The following HS6ST2 variants were observed in gnomAD, a reference collection of about 807,000 sequenced individuals.
The protein encoded by HS6ST2 is heparan-sulfate 6-O-sulfotransferase 2.
HS6ST2 carries 17 observed loss-of-function variants against 33.0 expected under a neutral mutation model. The observed-to-expected ratio is 0.52, with a 90% CI of 0.35 to 0.77. The LOEUF is 0.77. Among genes scored for constraint, HS6ST2 ranks in the 30% least tolerant of loss-of-function variants. HS6ST2 has a pLI of 0.01. For missense variants in HS6ST2, 519 were observed against 551.7 expected (o/e 0.94, Z 0.59); for synonymous variants, 248 against 237.1 (o/e 1.05, Z -0.42).
chrX:132,939,365 C>T (rs2066862163), intron 2 of HS6ST2, among the ~76,000 whole-genome samples: 1 of 110,857 alleles, frequency 9.0e-6, no homozygotes, highest in African/African-American at 3.3e-5. Flanking sequence ...TGGCTCATGC[C>T]TGTAATCCCA....
intron 2 of HS6ST2, among the ~76,000 whole-genome samples, chrX:132,884,829 A>T (rs1195267619): frequency 2.7e-5 from 3 of 111,367 alleles, no homozygotes; most frequent in Non-Finnish European, 3.8e-5. Context: ...TGGGAGCAAG[A>T]AGAGAGATAC....
In HS6ST2 at chrX:132,796,975, C is replaced by T. The variant is rs143646519; in HGVS notation, c.948-88481G>A. On this transcript the variant is annotated intron_variant, in intron 2 of 4. Transcript: ENST00000370833. ...AGGAAAGGAAAATTTAGGGTGAAGG[C>T]GAAGAGGTGGATTTGTAAACACACT... Among the ~76,000 whole-genome samples, 131 of 111,656 alleles carry T rather than the reference C, an allele frequency of 1.2e-3. 1 individual carries two copies. In the East Asian group the frequency reaches 0.027, roughly 23 times the overall value.
chrX:132,898,541 A>T (rs1435574174), intron 2 of HS6ST2, among the ~76,000 whole-genome samples: 1 of 109,398 alleles, frequency 9.1e-6, no homozygotes, highest in African/African-American at 3.3e-5. Flanking sequence ...ATCAGATTAA[A>T]CAACTAAAAA....
intron 3 of HS6ST2, among the ~76,000 whole-genome samples, chrX:132,707,264 G>A (rs1271254321): frequency 8.9e-6 from 1 of 112,091 alleles, no homozygotes; most frequent in African/African-American, 3.2e-5. Context: ...ATTAGTAACA[G>A]AACTTGGTAC....
At chrX:132,632,154 T>C (rs1320774397) in intron 4 of HS6ST2, among the ~76,000 whole-genome samples, 1 of 111,170 alleles carries the variant, frequency 9.0e-6, no homozygotes, top group Non-Finnish European at 1.9e-5. Flanking sequence ...ACTGCTGCCT[T>C]GGTGATAACA....
intron 2 of HS6ST2, among the ~76,000 whole-genome samples, chrX:132,729,662 TA>T (rs1322137409): frequency 1.8e-5 from 2 of 112,135 alleles, no homozygotes; most frequent in East Asian, 5.6e-4. Flanking sequence ...GCCACTCAGT[TA>T]TTTTTTTTTA....
intron 4 of HS6ST2, among the ~76,000 whole-genome samples, chrX:132,649,593 C>T (rs2063673367): frequency 8.9e-6 from 1 of 112,373 alleles, no homozygotes; most frequent in African/African-American, 3.2e-5. Flanking sequence ...CATGGTGGCT[C>T]ACGCCTGTAA....
intron 3 of HS6ST2, among the ~76,000 whole-genome samples, chrX:132,685,490 G>A (rs1056136333): frequency 9.0e-6 from 1 of 111,579 alleles, no homozygotes; most frequent in Admixed American, 9.6e-5. Context: ...TTTAGCAAGC[G>A]CACGAGGGCC....
chrX:132,809,175 G>A (rs2065314268), intron 2 of HS6ST2, among the ~76,000 whole-genome samples: 1 of 111,393 alleles, frequency 9.0e-6, no homozygotes, highest in East Asian at 2.8e-4. Context: ...TTTTAGTAGA[G>A]ACTGGGTTTC....
At chrX:132,791,504 G>A (rs1314078949) in intron 2 of HS6ST2, among the ~76,000 whole-genome samples, 3 of 111,880 alleles carry the variant, frequency 2.7e-5, no homozygotes, top group African/African-American at 9.7e-5. Context: ...AGATATCTAT[G>A]TCCATCAACA....
intron 2 of HS6ST2, among the ~76,000 whole-genome samples, chrX:132,828,028 T>C (rs183206156): frequency 2.7e-5 from 3 of 111,775 alleles, no homozygotes; most frequent in Non-Finnish European, 5.6e-5. Flanking sequence ...AACAAACATA[T>C]CATTTTATCT....
chrX:132,901,091 A>T (rs1257915122), intron 2 of HS6ST2, among the ~76,000 whole-genome samples: 1 of 111,735 alleles, frequency 8.9e-6, no homozygotes, highest in Admixed American at 9.6e-5. Flanking sequence ...ACTACAAGGA[A>T]CTGAATCCTT....
At chrX:132,801,673 C>T (rs1266766102) in intron 2 of HS6ST2, among the ~76,000 whole-genome samples, 1 of 111,492 alleles carries the variant, frequency 9.0e-6, no homozygotes, top group African/African-American at 3.3e-5. Context: ...TAGGGATCTC[C>T]ACTTTCCCAG....
chrX:132,707,909 T>G (rs2064199275), intron 3 of HS6ST2, among the ~76,000 whole-genome samples: 1 of 111,581 alleles, frequency 9.0e-6, no homozygotes, highest in Non-Finnish European at 1.9e-5. Context: ...TTTGCTCTCC[T>G]GCAGGCTTCA....
rs2063493366 is a variant in HS6ST2, at chrX:132,628,355, C to T, written c.1806G>A (p.Met602Ile). 1.7e-6 allele frequency: 2 copies of T among 1,166,530 alleles called. No individual in the cohort carries two copies. Among genetic ancestry groups the T allele is most frequent in the Middle Eastern group, 2.3e-4 (1 of 4,290 alleles). ...GGCTCAAACTCTGAGTCAGATTCTG[C>T]ATCAGATTCTGAGTCAGGTTCTGAT... The part of the protein sequence containing the change: ...NANQNLTQNL[M>I]QNLTQSLSQK... Residue 602 changes from methionine to isoleucine, a missense_variant, in exon 5 of 5, where the codon ATG becomes ATA. Physicochemically the swap from Met to Ile is conservative, Grantham distance 10. Transcript: ENST00000370833.
chrX:132,890,736 G>A (rs898639255), intron 2 of HS6ST2, among the ~76,000 whole-genome samples: 1 of 110,937 alleles, frequency 9.0e-6, no homozygotes, highest in Non-Finnish European at 1.9e-5. Context: ...TGCTGGCTGA[G>A]GGTGCTACAT....
intron 4 of HS6ST2, among the ~76,000 whole-genome samples, chrX:132,639,049 G>A (rs978523928): frequency 1.8e-5 from 2 of 112,269 alleles, no homozygotes; most frequent in Non-Finnish European, 3.8e-5. Context: ...TTTTCTATGC[G>A]ATTCTTTTTC....
intron 2 of HS6ST2, among the ~76,000 whole-genome samples, chrX:132,852,230 A>G (rs1263654921): frequency 8.9e-6 from 1 of 111,948 alleles, no homozygotes; most frequent in Non-Finnish European, 1.9e-5. Context: ...CTGTTTCCCT[A>G]TGCTAGGACT....
rs1411930225 is a variant in HS6ST2 at position 132,904,067 on chromosome X, T to A, written c.947+52741A>T. The stretch of plus-strand genomic sequence containing the variant: ...GGTCTCCACTTCTTCACTTTTGTGA[T>A]CATTATCTTCTTGCTGCTTGCTACC... On this transcript the variant is annotated intron_variant, in intron 2 of 4. Transcript: ENST00000370833. Among the ~76,000 whole-genome samples the A allele has an allele frequency of 4.5e-5, 5 of 111,867 alleles. No homozygotes were observed. The Admixed American group carries it at 4.7e-4, about 11-fold the overall frequency.
Sources: gnomAD v4.1 joint callset for allele counts (sites outside exome capture counted in the v4.1 genomes callset) on GRCh38, gnomAD v4.1.1 for gene constraint, MANE v1.5 for transcripts, NCBI Gene and HGNC (gene_info 2026-07-23, HGNC 2026-07-21) for gene names.